ATP10B: variants seen among roughly 807,000 people sequenced by gnomAD.
ATP10B encodes phospholipid-transporting ATPase VB.
In ATP10B, 122 loss-of-function variants were observed where a neutral mutation model predicts 141.2. The observed-to-expected ratio is 0.86, with a 90% CI of 0.75 to 1.00. ATP10B has a LOEUF of 1.00. Among genes scored for constraint, ATP10B ranks in the 50% least tolerant of loss-of-function variants. ATP10B has a pLI of 0.00. For synonymous variants in ATP10B, 685 were observed against 692.0 expected, an observed-to-expected ratio of 0.99 and a Z score of 0.16; for missense variants, 1,876 against 1,825.3, an observed-to-expected ratio of 1.03 and a Z score of -0.51.
chr5:160,927,328 G>T, the ATP10B span, among the ~76,000 whole-genome samples: 9 of 152,284 alleles, frequency 5.9e-5, no homozygotes, highest in East Asian at 1.5e-3. Context: ...ACATCTTTAA[G>T]ATCAATACCA....
the ATP10B span, among the ~76,000 whole-genome samples, chr5:160,866,887 G>A: frequency 6.6e-6 from 1 of 151,948 alleles, no homozygotes; most frequent in Admixed American, 6.6e-5. Context: ...TGTTAAAATA[G>A]AAGTAGCAAG....
rs531198402 is a variant in ATP10B, at chr5:160,767,635, A to ACCCCCC, written c.-331+17918_-331+17923dup. On this transcript the variant is annotated intron_variant, in intron 2 of 25. Transcript: ENST00000327245. The stretch of plus-strand genomic sequence containing the variant: ...ATGGTGTGAGGGTCATGTGTGCAGA[A>ACCCCCC]CCCCCCCCCCCAAAATAACAGGTTA... 3.6e-3 allele frequency among the ~76,000 whole-genome samples: 309 copies of ACCCCCC among 86,478 alleles called. 9 individuals are homozygous for ACCCCCC. Among genetic ancestry groups the ACCCCCC allele is most frequent in the Non-Finnish European group, 5.3e-3 (214 of 40,394 alleles). The allele number at this position is 86,478 out of a possible 152,430, so 56.7% of individuals were successfully genotyped here. A position where few individuals can be genotyped will look rare whatever the true frequency, so the allele number is the denominator to read the frequency against.
At chr5:160,902,508 A>G in the ATP10B span, among the ~76,000 whole-genome samples, 1 of 152,216 alleles carries the variant, frequency 6.6e-6, no homozygotes, top group South Asian at 2.1e-4. Context: ...AACTTTCCTG[A>G]AAATGGAGAA....
At chr5:160,891,629 G>A in the ATP10B span, among the ~76,000 whole-genome samples, 1 of 152,018 alleles carries the variant, frequency 6.6e-6, no homozygotes, top group Admixed American at 6.6e-5. Flanking sequence ...GTAGAGATGG[G>A]GTTTCACCAT....
intron 2 of ATP10B, among the ~76,000 whole-genome samples, chr5:160,736,938 A>G (rs1767161068): frequency 6.6e-6 from 1 of 152,242 alleles, no homozygotes; most frequent in South Asian, 2.1e-4. Context: ...TACAAAAACC[A>G]GACAAAGACA....
At chr5:160,781,232 T>C (rs1006908059) in intron 2 of ATP10B, among the ~76,000 whole-genome samples, 14 of 152,184 alleles carry the variant, frequency 9.2e-5, no homozygotes, top group African/African-American at 3.4e-4. Context: ...CTCAGTAGGA[T>C]GGTCTGGGTG....
chr5:160,769,534 T>A (rs1769726053), intron 2 of ATP10B, among the ~76,000 whole-genome samples: 1 of 152,174 alleles, frequency 6.6e-6, no homozygotes, highest in Non-Finnish European at 1.5e-5. Flanking sequence ...ATACCAGATG[T>A]CAGGGCCTAA....
chr5:160,726,567 T>C (rs1411748190), intron 2 of ATP10B, among the ~76,000 whole-genome samples: 1 of 150,468 alleles, frequency 6.6e-6, no homozygotes, highest in Non-Finnish European at 1.5e-5. Flanking sequence ...CATTTCCTTA[T>C]TCACAGCACA....
chr5:160,565,192 C>T lies in ATP10B; in HGVS notation c.*261G>A, dbSNP rs768867035. 7 of 498,748 alleles carry T rather than the reference C, an allele frequency of 1.4e-5. No individual in the cohort carries two copies. The highest frequency in any genetic ancestry group is 7.0e-5 in the East Asian group (2 of 28,718). 30.9% of individuals were successfully genotyped at this position (498,748 alleles called of 1,614,324 possible). A position where few individuals can be genotyped will look rare whatever the true frequency, so the allele number is the denominator to read the frequency against. On this transcript the variant is annotated 3_prime_UTR_variant, in exon 26 of 26. Transcript: ENST00000327245. ...TTTGGTCTAAACCGATTTGAGAACT[C>T]GATTCAACAAAAACAGCCTCCTTCT...
chr5:160,612,774 G>T lies in ATP10B; in HGVS notation c.2805C>A (p.Thr935=). 1 of 1,613,814 alleles carries T rather than the reference G, an allele frequency of 6.2e-7. No homozygotes were observed. The highest frequency in any genetic ancestry group is 8.5e-7 in the Non-Finnish European group (1 of 1,179,890). Residue 935 remains threonine, a synonymous_variant, in exon 18 of 26, where the codon ACC becomes ACA. Coordinates refer to ENST00000327245, the MANE Select transcript of ATP10B (RefSeq NM_025153.3). ...IAHSCRLLNQ[T]DTVYTINTEN... ...CTGTATTGATGGTATAAACAGTGTC[G>T]GTCTGATTTAACAGTCTGCAGGAAT...
At chr5:160,667,715 C>A (rs1762407963) in intron 7 of ATP10B, among the ~76,000 whole-genome samples, 1 of 152,114 alleles carries the variant, frequency 6.6e-6, no homozygotes, top group African/African-American at 2.4e-5. Context: ...GACCCTTTTA[C>A]CTGACTCTTC....
chr5:160,911,395 G>T, the ATP10B span, among the ~76,000 whole-genome samples: 1 of 152,200 alleles, frequency 6.6e-6, no homozygotes, highest in African/African-American at 2.4e-5. Flanking sequence ...AAAAGGATTT[G>T]GTGAGAGAAA....
intron 6 of ATP10B, among the ~76,000 whole-genome samples, chr5:160,671,560 T>C (rs1247613545): frequency 6.6e-6 from 1 of 152,136 alleles, no homozygotes; most frequent in Non-Finnish European, 1.5e-5. Context: ...GGAGTTTTGA[T>C]GAAATGAGAC....
intron 10 of ATP10B, among the ~76,000 whole-genome samples, chr5:160,637,977 C>A (rs1267736352): frequency 6.6e-6 from 1 of 152,162 alleles, no homozygotes; most frequent in Non-Finnish European, 1.5e-5. Context: ...TGGGAAAAGC[C>A]CGAGAAGGCT....
chr5:160,888,726 G>C, the ATP10B span, among the ~76,000 whole-genome samples: 1 of 151,936 alleles, frequency 6.6e-6, no homozygotes, highest in Non-Finnish European at 1.5e-5. Flanking sequence ...TTTCCATTCC[G>C]GTGGTTTAAG....
the ATP10B span, among the ~76,000 whole-genome samples, chr5:160,915,476 C>T: frequency 2.6e-5 from 4 of 152,058 alleles, no homozygotes; most frequent in East Asian, 7.8e-4. Context: ...GGATAACAGG[C>T]GCCTGCCACC....
At chr5:160,644,033 T>A in intron 9 of ATP10B, 105 bp downstream of exon 9, 1 of 908,680 alleles carries the variant, frequency 1.1e-6, no homozygotes, top group East Asian at 2.5e-5. Context: ...CATGAGTAAA[T>A]GGGAAGTTAC....
At chr5:160,808,909 T>A (rs1772962155) in intron 1 of ATP10B, among the ~76,000 whole-genome samples, 1 of 152,218 alleles carries the variant, frequency 6.6e-6, no homozygotes, top group Non-Finnish European at 1.5e-5. Flanking sequence ...TTCTGGGGGC[T>A]GTGAGGAAGC....
chr5:160,797,345 G>GC (rs1772020483), intron 1 of ATP10B, among the ~76,000 whole-genome samples: 1 of 152,162 alleles, frequency 6.6e-6, no homozygotes, highest in South Asian at 2.1e-4. Context: ...TCTGAAAGCA[G>GC]CTTTGCAAGT....
Sources: allele counts gnomAD v4.1 joint callset (sites outside exome capture counted in the v4.1 genomes callset), GRCh38; gene constraint gnomAD v4.1.1; transcripts MANE v1.5; gene names NCBI Gene and HGNC (gene_info 2026-07-23, HGNC 2026-07-21).